IGFL2: variants seen among roughly 807,000 people sequenced by gnomAD.
The protein encoded by IGFL2 is insulin growth factor-like family member 2.
In IGFL2, 7 loss-of-function variants were observed where a neutral mutation model predicts 13.9. That is an observed-to-expected ratio of 0.51 (90% CI 0.29 to 0.95). IGFL2 has a LOEUF of 0.95. IGFL2 is among the 40% of genes least tolerant of loss of function. The pLI is 0.08. For synonymous variants in IGFL2, 55 were observed against 55.8 expected (o/e 0.99, Z 0.07); for missense variants, 138 against 147.8 (o/e 0.93, Z 0.34).
intron 1 of IGFL2, among the ~76,000 whole-genome samples, chr19:46,154,047 C>T (rs976698606): frequency 1.3e-5 from 2 of 151,944 alleles, no homozygotes; most frequent in Non-Finnish European, 2.9e-5. Flanking sequence ...TCCATGTGTT[C>T]TCACAGTTCA....
upstream of IGFL2, among the ~76,000 whole-genome samples, chr19:46,143,822 T>C (rs573346682): frequency 8.3e-4 from 126 of 152,328 alleles, 1 homozygote; most frequent in Middle Eastern, 0.017. Flanking sequence ...TACTGAGCTA[T>C]ATAAACAGGC....
the IGFL2 span, chr19:46,212,950 C>T: frequency 0.054 from 8,190 of 152,310 alleles, 373 homozygotes; most frequent in East Asian, 0.12. Flanking sequence ...ACCTTCCAAA[C>T]CTGTGAAAGT....
rs942030593 is a variant in IGFL2, at chr19:46,148,446, C to G, written c.19+149C>G. ...GTCCTCTCTGACTGCATTGCAATCT[C>G]TCTTCCCCACCTGCAAATTCCAGAA... On this transcript the variant is annotated intron_variant, in intron 1 of 3. Transcript: ENST00000377693. The G allele has an allele frequency of 1.3e-5, 10 of 745,172 alleles. No individual in the cohort carries two copies. The East Asian group carries it at 2.2e-4, about 16-fold the overall frequency. 46.2% of individuals were successfully genotyped at this position (745,172 alleles called of 1,614,324 possible).
At chr19:46,173,328 A>G in the IGFL2 span, among the ~76,000 whole-genome samples, 1 of 152,220 alleles carries the variant, frequency 6.6e-6, no homozygotes, top group Admixed American at 6.5e-5. Context: ...AACAAGCACT[A>G]TCGTATCCTC....
chr19:46,177,460 T>G, the IGFL2 span, among the ~76,000 whole-genome samples: 1 of 152,134 alleles, frequency 6.6e-6, no homozygotes, highest in African/African-American at 2.4e-5. Context: ...TCAGGCAATG[T>G]AATATATATA....
chr19:46,083,890 A>G, the IGFL2 span, among the ~76,000 whole-genome samples: 1 of 152,202 alleles, frequency 6.6e-6, no homozygotes, highest in African/African-American at 2.4e-5. Context: ...ATGTAAGGGT[A>G]TTCTGGTGCT....
chr19:46,094,798 T>G, the IGFL2 span, among the ~76,000 whole-genome samples: 4 of 152,274 alleles, frequency 2.6e-5, 1 homozygote, highest in South Asian at 8.3e-4. Context: ...TCTGTTCCTG[T>G]GTTAGTTTGC....
chr19:46,099,493 C>A, the IGFL2 span, among the ~76,000 whole-genome samples: 4 of 151,086 alleles, frequency 2.6e-5, no homozygotes, highest in Admixed American at 2.0e-4. Context: ...TACATAGTCT[C>A]ATAGTTCTCG....
chr19:46,154,986 C>A (rs543123096), intron 1 of IGFL2, among the ~76,000 whole-genome samples: 1 of 152,122 alleles, frequency 6.6e-6, no homozygotes, highest in Non-Finnish European at 1.5e-5. Context: ...CAGCAGCTAG[C>A]TTCTCCTGCA....
the IGFL2 span, chr19:46,208,537 T>C: frequency 6.6e-6 from 1 of 152,206 alleles, no homozygotes; most frequent in Admixed American, 6.5e-5. Flanking sequence ...TTACTCAGGA[T>C]GGTGCATTCT....
intron 1 of IGFL2, chr19:46,148,890 C>T: frequency 6.5e-7 from 1 of 1,544,502 alleles, no homozygotes. Flanking sequence ...TCTGTTGGGA[C>T]TGTGATGAGG....
At chr19:46,136,949 G>T in the IGFL2 span, 3 of 1,259,532 alleles carry the variant, frequency 2.4e-6, no homozygotes, top group Non-Finnish European at 3.5e-6. Flanking sequence ...TAAAGTTGTT[G>T]GCTGCTACCT....
rs570649475 is a variant in IGFL2, at chr19:46,152,580, A to G, written c.19+4283A>G. Among the ~76,000 whole-genome samples, 126 of 152,308 alleles carry G rather than the reference A, an allele frequency of 8.3e-4. 2 individuals are homozygous for G. In the Middle Eastern group the frequency reaches 0.017, roughly 21 times the overall value. On this transcript the variant is annotated intron_variant, in intron 1 of 3. Transcript: ENST00000377693. ...ATTACAGGAGTGAGCCACTGTGCCT[A>G]GTCCTTAGGATTTTTAACATACAAA...
At chr19:46,137,614 G>T in the IGFL2 span, 1 of 942,762 alleles carries the variant, frequency 1.1e-6, no homozygotes, top group Non-Finnish European at 1.7e-6. Flanking sequence ...CCATGAGTCA[G>T]TGCAGAGGAG....
At chr19:46,113,281 A>G in the IGFL2 span, 7 of 234,084 alleles carry the variant, frequency 3.0e-5, no homozygotes, top group African/African-American at 1.4e-4. Context: ...TCCTCCAGAC[A>G]GGATGTGTTC....
the IGFL2 span, among the ~76,000 whole-genome samples, chr19:46,125,960 T>G: frequency 3.3e-5 from 5 of 152,222 alleles, no homozygotes; most frequent in Admixed American, 1.3e-4. Flanking sequence ...TGTACTTAAT[T>G]TTTCATCTTA....
At chr19:46,187,116 C>T in the IGFL2 span, among the ~76,000 whole-genome samples, 2 of 152,266 alleles carry the variant, frequency 1.3e-5, no homozygotes, top group African/African-American at 2.4e-5. Flanking sequence ...TGGACCCAGT[C>T]GATGCTGCTG....
At chr19:46,115,217 A>G in the IGFL2 span, among the ~76,000 whole-genome samples, 3 of 152,310 alleles carry the variant, frequency 2.0e-5, no homozygotes, top group Admixed American at 6.5e-5. Flanking sequence ...GGAGCAGGCT[A>G]AATCTCATGA....
chr19:46,136,119 T>A, the IGFL2 span, among the ~76,000 whole-genome samples: 2 of 152,196 alleles, frequency 1.3e-5, no homozygotes, highest in Admixed American at 6.5e-5. Context: ...TTTCCCAGAT[T>A]TGGATGTCAA....
Sources: gnomAD v4.1 joint callset for allele counts (sites outside exome capture counted in the v4.1 genomes callset) on GRCh38, gnomAD v4.1.1 for gene constraint, MANE v1.5 for transcripts, NCBI Gene and HGNC (gene_info 2026-07-23, HGNC 2026-07-21) for gene names.